Variants in ADAM12 observed in about 807,000 individuals in gnomAD.
ADAM12 encodes the protein disintegrin and metalloproteinase domain-containing protein 12.
In ADAM12, 70 loss-of-function variants were observed where a neutral mutation model predicts 106.4. The observed-to-expected ratio is 0.66, with a 90% CI of 0.54 to 0.80. The LOEUF (loss-of-function observed/expected upper bound fraction) is 0.80, where lower values mean the gene tolerates loss of function less well. Ranked by LOEUF, ADAM12 falls within the 30% of genes least tolerant of loss-of-function variation. The probability of loss-of-function intolerance (pLI) is 0.00; values close to 1 mark genes in which losing one functional copy is unlikely to be tolerated. For missense variants in ADAM12, 1,010 were observed against 1,171.9 expected (o/e 0.86, Z 2.02); for synonymous variants, 420 against 433.5 (o/e 0.97, Z 0.39).
chr10:126,309,026 T>C (rs934137131), intron 2 of ADAM12, among the ~76,000 whole-genome samples: 50 of 152,334 alleles, frequency 3.3e-4, no homozygotes, highest in African/African-American at 1.1e-3. Flanking sequence ...CCCAGAGTTA[T>C]TTTGGGGAAC....
At chr10:126,244,246 C>T (rs1353264713) in intron 3 of ADAM12, among the ~76,000 whole-genome samples, 1 of 152,234 alleles carries the variant, frequency 6.6e-6, no homozygotes, top group Non-Finnish European at 1.5e-5. Flanking sequence ...CTGCCTTCAT[C>T]TGGCTCATAC....
rs778117115 is a variant in ADAM12, at chr10:126,043,182, G to A, written c.1996-34C>T. 1.3e-6 allele frequency: 2 copies of A among 1,597,346 alleles called. No homozygotes were observed. Among genetic ancestry groups the A allele is most frequent in the South Asian group, 2.2e-5 (2 of 89,826 alleles). On this transcript the variant is annotated intron_variant, in intron 17 of 22. Transcript: ENST00000448723. This position sits in a 1 kb window ranked among gnomAD's most constrained non-coding sequence, Gnocchi z 4.1. Reference sequence around the variant, plus strand: ...GCAGAGGGGAGGGACGTGGGGTTAGGGCATATGCTCTGTGCATCACCACAG... The same window carrying A: ...GCAGAGGGGAGGGACGTGGGGTTAGAGCATATGCTCTGTGCATCACCACAG...
At chr10:126,212,003 G>C (rs185523779) in intron 3 of ADAM12, among the ~76,000 whole-genome samples, 61 of 152,322 alleles carry the variant, frequency 4.0e-4, no homozygotes, top group Middle Eastern at 3.4e-3. Flanking sequence ...GTGGGTGATG[G>C]GGAGGGAATA....
rs192274509 is a variant in ADAM12 at position 126,368,547 on chromosome 10, T to C, written c.88+19511A>G. Among the ~76,000 whole-genome samples, 1,087 of 152,224 alleles carry C rather than the reference T, an allele frequency of 7.1e-3. 10 individuals are homozygous for C. The highest frequency in any genetic ancestry group is 0.02 in the Middle Eastern group (6 of 294). ...ATGATTTTCATCAAACCACTGAAAC[T>C]ATCCATTGTGGATGTAAATAAAATA... On this transcript the variant is annotated intron_variant, in intron 1 of 22. Transcript: ENST00000448723.
chr10:126,068,150 G>T (rs1284805694), intron 12 of ADAM12, among the ~76,000 whole-genome samples: 2 of 152,202 alleles, frequency 1.3e-5, no homozygotes, highest in Non-Finnish European at 2.9e-5. Context: ...GACAGTAAGG[G>T]TTTCTAACTT....
chr10:126,126,572 T>TG (rs61048159), intron 5 of ADAM12, among the ~76,000 whole-genome samples: 97,736 of 151,292 alleles, frequency 0.65, 31,993 homozygotes, highest in East Asian at 0.77. Context: ...AAGTAAGCCA[T>TG]GGAGAGCCAA....
intron 1 of ADAM12, among the ~76,000 whole-genome samples, chr10:126,362,027 G>A (rs1212580535): frequency 1.3e-5 from 2 of 152,072 alleles, no homozygotes; most frequent in Non-Finnish European, 2.9e-5. Context: ...ATATTTGCAA[G>A]CCATTCATCT....
At chr10:126,103,591 C>A (rs1345662588) in intron 8 of ADAM12, among the ~76,000 whole-genome samples, 1 of 152,214 alleles carries the variant, frequency 6.6e-6, no homozygotes, top group Non-Finnish European at 1.5e-5. Context: ...CACAGGCCAG[C>A]TAACCCTGAC....
In ADAM12 at chr10:126,064,302, C is replaced by T. The variant is rs1954817398; in HGVS notation, c.1609+504G>A. Among the ~76,000 whole-genome samples, 1 of 152,176 alleles carries T rather than the reference C, an allele frequency of 6.6e-6. No individual in the cohort carries two copies. The highest frequency in any genetic ancestry group is 1.5e-5 in the Non-Finnish European group (1 of 68,036). On this transcript the variant is annotated intron_variant, in intron 14 of 22. Coordinates refer to ENST00000448723, the MANE Select transcript of ADAM12 (RefSeq NM_001288973.2). This position sits in a 1 kb window ranked among gnomAD's most constrained non-coding sequence, Gnocchi z 4.4. ...TCTGATCAGGGCCTTCCCCATGGAG[C>T]CCTGGGCCCCTCACTTGGTTGGGGT... is the stretch of plus-strand genomic sequence containing the variant.
At chr10:126,302,322 T>C (rs1960660222) in intron 2 of ADAM12, among the ~76,000 whole-genome samples, 1 of 152,260 alleles carries the variant, frequency 6.6e-6, no homozygotes, top group Admixed American at 6.5e-5. Context: ...GTTCCTGTTG[T>C]GATCCCAGAT....
At chr10:126,339,911 G>A (rs185523511) in intron 1 of ADAM12, among the ~76,000 whole-genome samples, 1 of 139,730 alleles carries the variant, frequency 7.2e-6, no homozygotes, top group East Asian at 2.4e-4. Context: ...CTGGAGTGCA[G>A]TGGCCTGATC....
At chr10:126,232,484 A>G (rs1958331279) in intron 3 of ADAM12, among the ~76,000 whole-genome samples, 1 of 152,154 alleles carries the variant, frequency 6.6e-6, no homozygotes, top group Non-Finnish European at 1.5e-5. Flanking sequence ...ATGTTGTTTG[A>G]AGCCATGAAG....
rs200657108 is a variant in ADAM12 at position 126,109,779 on chromosome 10, C to A, written c.665G>T (p.Arg222Leu). The A allele has an allele frequency of 1.2e-6, 2 of 1,612,036 alleles. No homozygotes were observed. The highest frequency in any genetic ancestry group is 1.3e-5 in the African/African-American group (1 of 74,944). The stretch of plus-strand genomic sequence containing the variant: ...GAAATTTTAAAAAGTTCTTACCTCT[C>A]GGTTGTCTGCCACGATCACCAGCTC... The part of the protein sequence containing the change: ...YVELVIVADN[R>L]EFQRQGKDLE... Residue 222 changes from arginine (R) to leucine (L), a missense_variant, in exon 7 of 23, where the codon CGA (arginine) becomes CTA (leucine). Arg to Leu is a moderately radical substitution (Grantham distance 102). Transcript: ENST00000448723.
Position 126,043,138 on chromosome 10 carries a change from T to A in ADAM12, c.2006A>T (p.Asn669Ile), listed in dbSNP as rs774360741. 3.7e-6 allele frequency: 6 copies of A among 1,614,108 alleles called. No homozygotes were observed. The highest frequency in any genetic ancestry group is 4.2e-6 in the Non-Finnish European group (5 of 1,179,992). Residue 669 changes from asparagine (N) to isoleucine (I), a missense_variant, in exon 18 of 23, where the codon AAC (asparagine) becomes ATC (isoleucine). Transcript: ENST00000448723. The surrounding 1 kb of genome is among the most constrained non-coding windows in gnomAD (Gnocchi z 4.1). ...MQCHGRGVCN[N>I]RKNCHCEAHW... ...GGCCTCGCAGTGGCAGTTCTTCCTGTTGTTGCACACCTTTCAGGGCAGAGG... is the reference window on the plus strand; with the variant it reads ...GGCCTCGCAGTGGCAGTTCTTCCTGATGTTGCACACCTTTCAGGGCAGAGG...
chr10:126,066,985 C>T lies in ADAM12; in HGVS notation c.1324-179G>A, dbSNP rs1422643236. On this transcript the variant is annotated intron_variant, in intron 12 of 22. Transcript: ENST00000448723. The surrounding 1 kb of genome is among the most constrained non-coding windows in gnomAD (Gnocchi z 5.1). Reference sequence around the variant, plus strand: ...AGCAAAGCTTCTGCTTTTTATGAACCAACTGGGTCTACGAGTCCCTGGAAA... The same window carrying T: ...AGCAAAGCTTCTGCTTTTTATGAACTAACTGGGTCTACGAGTCCCTGGAAA... 3 of 598,504 alleles carry T rather than the reference C, an allele frequency of 5.0e-6. No homozygotes were observed. The Admixed American group carries it at 8.2e-5, about 16-fold the overall frequency. The allele number at this position is 598,504 out of a possible 1,614,324, so 37.1% of individuals were successfully genotyped here.
At chr10:126,292,231 G>A (rs946278686) in intron 2 of ADAM12, among the ~76,000 whole-genome samples, 1 of 152,084 alleles carries the variant, frequency 6.6e-6, no homozygotes, top group Non-Finnish European at 1.5e-5. Flanking sequence ...TCCCCCGAGT[G>A]CATTCCTCAT....
At chr10:126,249,482 G>A (rs1277322875) in intron 3 of ADAM12, among the ~76,000 whole-genome samples, 1 of 152,192 alleles carries the variant, frequency 6.6e-6, no homozygotes, top group African/African-American at 2.4e-5. Flanking sequence ...GGAGGATCAC[G>A]AGGTCAGGAG....
At chr10:126,255,457 C>A (rs1040680594) in intron 3 of ADAM12, among the ~76,000 whole-genome samples, 15 of 152,142 alleles carry the variant, frequency 9.9e-5, no homozygotes, top group Non-Finnish European at 2.2e-4. Context: ...GAACGCAGCC[C>A]CTTCATGGCA....
chr10:126,190,228 G>A (rs1193364880), intron 3 of ADAM12, among the ~76,000 whole-genome samples: 1 of 150,042 alleles, frequency 6.7e-6, no homozygotes, highest in Non-Finnish European at 1.5e-5. Context: ...TTTAGACGGA[G>A]TCTCACTCTG....
Sources: gnomAD v4.1 joint callset for allele counts (sites outside exome capture counted in the v4.1 genomes callset) on GRCh38, gnomAD v4.1.1 for gene constraint, Gnocchi (gnomAD v3.1) non-coding constraint, MANE v1.5 for transcripts, NCBI Gene and HGNC (gene_info 2026-07-23, HGNC 2026-07-21) for gene names.